The following ZFAND1 variants were observed in gnomAD, a reference collection of about 807,000 sequenced individuals.
ZFAND1 encodes AN1-type zinc finger protein 1.
ZFAND1 carries 40 observed loss-of-function variants against 38.5 expected under a neutral mutation model. The ratio of observed to expected loss-of-function variants is 1.04; its 90% CI spans 0.81 to 1.35. ZFAND1 has a LOEUF of 1.35. Ranked by LOEUF, ZFAND1 falls within the 40% of genes most tolerant of loss-of-function variation. ZFAND1 has a pLI of 0.00. For synonymous variants in ZFAND1, 117 were observed against 103.6 expected (o/e 1.13, Z -0.78); for missense variants, 346 against 316.3 (o/e 1.09, Z -0.71).
In ZFAND1 at chr8:81,715,241, A is replaced by G. The variant is rs1808269752; in HGVS notation, c.139-127T>C. The G allele has an allele frequency of 3.4e-6, 3 of 871,672 alleles. No individual in the cohort carries two copies. The South Asian group carries it at 5.3e-5, about 15-fold the overall frequency. The allele number at this position is 871,672 out of a possible 1,614,324, so 54.0% of individuals were successfully genotyped here. A position where few individuals can be genotyped will look rare whatever the true frequency, so the allele number is the denominator to read the frequency against. On this transcript the variant is annotated intron_variant, in intron 3 of 7. Transcript: ENST00000220669. ...TATTAGAGCAAGTTACTTACTCTCA[A>G]AGATTATAAAGAATGTTTTATGTGA...
chr8:81,706,341 A>G (rs1807978273), intron 6 of ZFAND1, among the ~76,000 whole-genome samples: 1 of 150,366 alleles, frequency 6.7e-6, no homozygotes, highest in East Asian at 2.0e-4. Context: ...CTTTAGTAAA[A>G]ATACAAGTAA....
intron 6 of ZFAND1, 41 bp downstream of exon 6, chr8:81,713,877 T>C (rs762478663): frequency 5.6e-6 from 9 of 1,604,934 alleles, no homozygotes; most frequent in South Asian, 1.1e-5. Flanking sequence ...ACTTCAACTA[T>C]ATTTGAAATT....
In ZFAND1 at chr8:81,701,352, G is replaced by A. The variant is rs1807804103; in HGVS notation, c.*1343C>T. 1 of 152,092 alleles carries A rather than the reference G, an allele frequency of 6.6e-6. No homozygotes were observed. Among genetic ancestry groups the A allele is most frequent in the Non-Finnish European group, 1.5e-5 (1 of 68,004 alleles). The allele number at this position is 152,092 out of a possible 1,614,324, so 9.4% of individuals were successfully genotyped here. On this transcript the variant is annotated 3_prime_UTR_variant, in exon 8 of 8. Coordinates refer to ENST00000220669, the MANE Select transcript of ZFAND1 (RefSeq NM_024699.3). ...ATTATTAGCATTTTTTAGCAATAAA[G>A]TATTTTTTTACTTAAAGTATATACA...
At chr8:81,710,690 C>T (rs908935156) in intron 6 of ZFAND1, among the ~76,000 whole-genome samples, 2 of 152,048 alleles carry the variant, frequency 1.3e-5, no homozygotes, top group African/African-American at 2.4e-5. Context: ...AAATTACATA[C>T]TTGTTAAATA....
chr8:81,718,149 TACTCCCAAA>T (rs751314605), intron 2 of ZFAND1, 24 bp downstream of exon 2: 21 of 1,519,310 alleles, frequency 1.4e-5, no homozygotes, highest in Middle Eastern at 1.7e-4. Flanking sequence ...ACACTAAAAT[TACTCCCAAA>T]TCCTGCATAA....
rs761522387 is a variant in ZFAND1 at position 81,702,880 on chromosome 8, G to A, written c.637-15C>T. 5 of 1,575,356 alleles carry A rather than the reference G, an allele frequency of 3.2e-6. No individual in the cohort carries two copies. In the African/African-American group the frequency reaches 5.5e-5, roughly 17 times the overall value. On this transcript the variant is annotated splice_polypyrimidine_tract_variant and intron_variant, in intron 7 of 7. Coordinates refer to ENST00000220669, the MANE Select transcript of ZFAND1 (RefSeq NM_024699.3). ...AGCCTTAATTTCTGTGAAGGGAGAA[G>A]TAAGTCATACTGTAATAAATAAACA... is the stretch of plus-strand genomic sequence containing the variant.
chr8:81,711,402 ACT>A (rs1320412677), intron 6 of ZFAND1, among the ~76,000 whole-genome samples: 6 of 152,174 alleles, frequency 3.9e-5, no homozygotes, highest in Non-Finnish European at 8.8e-5. Context: ...ACAGAGCAAG[ACT>A]CTGTCTCAAA....
At chr8:81,714,552 G>T (rs1563608505) in intron 5 of ZFAND1, 2 of 419,896 alleles carry the variant, frequency 4.8e-6, no homozygotes, top group East Asian at 9.8e-5. Context: ...TAGCCCAATG[G>T]TTAACTAGCT....
Position 81,718,167 on chromosome 8 carries a change from A to G in ZFAND1, c.98+15T>C, listed in dbSNP as rs1426440389. The G allele has an allele frequency of 1.3e-6, 2 of 1,572,744 alleles. No individual in the cohort carries two copies. Among genetic ancestry groups the G allele is most frequent in the African/African-American group, 2.7e-5 (2 of 73,152 alleles). ...CTAAAATTACTCCCAAATCCTGCATAAAAACTTAACTTACCAAAATATTCC... is the reference window on the plus strand; with the variant it reads ...CTAAAATTACTCCCAAATCCTGCATGAAAACTTAACTTACCAAAATATTCC... On this transcript the variant is annotated intron_variant, in intron 2 of 7. Coordinates refer to ENST00000220669, the MANE Select transcript of ZFAND1 (RefSeq NM_024699.3).
At chr8:81,713,493 A>G (rs1808205037) in intron 6 of ZFAND1, among the ~76,000 whole-genome samples, 1 of 152,130 alleles carries the variant, frequency 6.6e-6, no homozygotes, top group Non-Finnish European at 1.5e-5. Context: ...TAAGGTATGT[A>G]TGTATATATA....
intron 7 of ZFAND1, 31 bp from the exon 8 acceptor site, chr8:81,702,896 T>C: frequency 6.4e-7 from 1 of 1,556,322 alleles, no homozygotes; most frequent in Non-Finnish European, 8.6e-7. Flanking sequence ...CATACTGTAA[T>C]AAATAAACAT....
At chr8:81,706,752 C>T (rs1807996534) in intron 6 of ZFAND1, among the ~76,000 whole-genome samples, 2 of 151,940 alleles carry the variant, frequency 1.3e-5, no homozygotes, top group South Asian at 4.1e-4. Flanking sequence ...GTAGAAAAAA[C>T]TTCTAAAATT....
intron 6 of ZFAND1, among the ~76,000 whole-genome samples, chr8:81,709,047 A>G (rs374234796): frequency 2.6e-4 from 40 of 152,338 alleles, no homozygotes; most frequent in African/African-American, 8.7e-4. Flanking sequence ...TTGGGAATTT[A>G]TCTCACAGAA....
Position 81,721,235 on chromosome 8 carries a change from C to A in ZFAND1, c.47G>T (p.Arg16Leu), listed in dbSNP as rs1451911661. Residue 16 changes from arginine (R) to leucine (L), a missense_variant, in exon 1 of 8, where the codon CGG (arginine) becomes CTG (leucine). Arg to Leu is a moderately radical substitution (Grantham distance 102, BLOSUM62 -2). Coordinates refer to ENST00000220669, the MANE Select transcript of ZFAND1 (RefSeq NM_024699.3). ...IGQHCQVEHCRQRDFLPFVCD... is the reference protein window; with the variant it reads ...IGQHCQVEHCLQRDFLPFVCD... ...GGAAGCTCCCGGATCACCTCGCTGC[C>A]GGCAATGCTCCACCTGGCAGTGCTG... 6.5e-7 allele frequency: 1 copy of A among 1,548,772 alleles called. No homozygotes were observed. Among genetic ancestry groups the A allele is most frequent in the African/African-American group, 1.4e-5 (1 of 73,182 alleles).
chr8:81,717,367 AG>A (rs1808348912), intron 2 of ZFAND1, 79 bp from the exon 3 acceptor site: 2 of 1,097,152 alleles, frequency 1.8e-6, no homozygotes, highest in Non-Finnish European at 2.5e-6. Flanking sequence ...TTTAATGTTC[AG>A]TATACTTAAG....
intron 6 of ZFAND1, among the ~76,000 whole-genome samples, chr8:81,706,498 C>G (rs144638327): frequency 1.3e-5 from 2 of 150,862 alleles, no homozygotes; most frequent in African/African-American, 4.9e-5. Context: ...CTTTCAAGCT[C>G]GTATTCAGGA....
At chr8:81,719,905 G>A (rs186362919) in intron 1 of ZFAND1, among the ~76,000 whole-genome samples, 12 of 152,280 alleles carry the variant, frequency 7.9e-5, no homozygotes, top group Admixed American at 5.9e-4. Flanking sequence ...AAACCCAAAT[G>A]GCTAAGCTTC....
chr8:81,710,133 A>G (rs1353453006), intron 6 of ZFAND1, among the ~76,000 whole-genome samples: 7 of 152,180 alleles, frequency 4.6e-5, no homozygotes, highest in African/African-American at 7.2e-5. Context: ...TACCAACTAA[A>G]TACCAGTAGC....
rs748322521 is a variant in ZFAND1, at chr8:81,717,211, C to T, written c.138+38G>A. ...AATTCTGAATGAAAGTACATAAATA[C>T]GAATACATTTTATCAGATTGGAAAA... On this transcript the variant is annotated intron_variant, in intron 3 of 7. Coordinates refer to ENST00000220669, the MANE Select transcript of ZFAND1 (RefSeq NM_024699.3). The T allele has an allele frequency of 1.4e-5, 21 of 1,479,054 alleles. No homozygotes were observed. The Admixed American group carries it at 1.8e-4, about 12-fold the overall frequency. 91.6% of individuals were successfully genotyped at this position (1,479,054 alleles called of 1,614,324 possible). A position where few individuals can be genotyped will look rare whatever the true frequency, so the allele number is the denominator to read the frequency against.
Sources: allele counts gnomAD v4.1 joint callset (sites outside exome capture counted in the v4.1 genomes callset), GRCh38; gene constraint gnomAD v4.1.1; transcripts MANE v1.5; gene names NCBI Gene and HGNC (gene_info 2026-07-23, HGNC 2026-07-21).